The following PTPRD variants were observed in gnomAD, a reference collection of about 807,000 sequenced individuals.
PTPRD encodes the protein protein tyrosine phosphatase receptor type D, also known as receptor-type tyrosine-protein phosphatase delta.
Under a neutral mutation model 214.5 loss-of-function variants are expected in PTPRD, and 34 were observed. That is an observed-to-expected ratio of 0.16 (90% CI 0.12 to 0.21). The LOEUF (loss-of-function observed/expected upper bound fraction) is 0.21. Among genes scored for constraint, PTPRD ranks in the 10% least tolerant of loss-of-function variants. The pLI, the probability that PTPRD is intolerant of heterozygous loss-of-function variation, is 1.00. For synonymous variants in PTPRD, 1,128 were observed against 845.7 expected (o/e 1.33, Z -5.79); for missense variants, 2,545 against 2,398.7 (o/e 1.06, Z -1.27).
chr9:10,224,364 T>A (rs2099581732), intron 3 of PTPRD, among the ~76,000 whole-genome samples: 1 of 152,060 alleles, frequency 6.6e-6, no homozygotes, highest in African/African-American at 2.4e-5. Flanking sequence ...TATTGTCTAT[T>A]CTTTTCTTAT....
chr9:10,151,500 A>G (rs1392160847), intron 3 of PTPRD, among the ~76,000 whole-genome samples: 2 of 152,082 alleles, frequency 1.3e-5, no homozygotes, highest in African/African-American at 4.8e-5. Flanking sequence ...TGACCTGGTG[A>G]TCCACCCACC....
intron 7 of PTPRD, among the ~76,000 whole-genome samples, chr9:9,605,862 G>A (rs952576534): frequency 1.3e-5 from 2 of 152,074 alleles, no homozygotes; most frequent in Non-Finnish European, 2.9e-5. Flanking sequence ...AACGATAACG[G>A]AACTTGTCAT....
At chr9:9,551,650 G>A (rs1410777046) in intron 8 of PTPRD, among the ~76,000 whole-genome samples, 1 of 151,858 alleles carries the variant, frequency 6.6e-6, no homozygotes, top group Non-Finnish European at 1.5e-5. Flanking sequence ...CTTTCATCAA[G>A]CCTTCTTTAA....
chr9:9,444,378 C>T (rs1050708342), intron 8 of PTPRD, among the ~76,000 whole-genome samples: 4 of 152,024 alleles, frequency 2.6e-5, no homozygotes, highest in African/African-American at 9.7e-5. Context: ...TATGTAAATC[C>T]TTCAAACAAT....
rs139919780 is a variant in PTPRD, at chr9:10,471,763, T to C, written c.-599-130746A>G. 4.6e-3 allele frequency among the ~76,000 whole-genome samples: 696 copies of C among 152,250 alleles called. 9 individuals are homozygous for C. Among genetic ancestry groups the C allele is most frequent in the African/African-American group, 0.016 (665 of 41,564 alleles). ...TAGTAATAAGTATAACCATAACATA[T>C]TTTATATTTTAAGTTGAAGAGATGT... is the stretch of plus-strand genomic sequence containing the variant. On this transcript the variant is annotated intron_variant, in intron 2 of 45. Coordinates refer to ENST00000381196, the MANE Select transcript of PTPRD (RefSeq NM_002839.4).
intron 2 of PTPRD, among the ~76,000 whole-genome samples, chr9:10,604,914 G>A: frequency 6.6e-6 from 1 of 151,868 alleles, no homozygotes; most frequent in Middle Eastern, 3.4e-3. Flanking sequence ...TATCATCTTG[G>A]CACTGTTTTT....
intron 2 of PTPRD, among the ~76,000 whole-genome samples, chr9:10,357,526 G>A (rs559813259): frequency 5.4e-4 from 82 of 152,282 alleles, no homozygotes; most frequent in Admixed American, 1.6e-3. Context: ...TAATAAATCA[G>A]CTAATACGTA....
intron 3 of PTPRD, among the ~76,000 whole-genome samples, chr9:10,302,536 C>T (rs1188138363): frequency 2.0e-5 from 3 of 152,186 alleles, no homozygotes; most frequent in Non-Finnish European, 2.9e-5. Context: ...CGTGCAAAGA[C>T]ACACATATGC....
Position 9,940,266 on chromosome 9 carries a change from G to A in PTPRD, c.-471-1656C>T, listed in dbSNP as rs2091049596. Among the ~76,000 whole-genome samples the A allele has an allele frequency of 2.0e-5, 3 of 152,068 alleles. No individual in the cohort carries two copies. In the South Asian group the frequency reaches 6.2e-4, roughly 32 times the overall value. On this transcript the variant is annotated intron_variant, in intron 4 of 45. Coordinates refer to ENST00000381196, the MANE Select transcript of PTPRD (RefSeq NM_002839.4). ...AAGATGGCAGCACAGATGGAAGTCT[G>A]AGGATAAAGGATAAACCCCGCTCAT...
chr9:8,633,478 C>T lies in PTPRD; in HGVS notation c.211-20G>A, dbSNP rs1343119650. 1.2e-6 allele frequency: 2 copies of T among 1,608,562 alleles called. No homozygotes were observed. Among genetic ancestry groups the T allele is most frequent in the Admixed American group, 1.7e-5 (1 of 59,296 alleles). ...TATTACCTATTAGAGGAAACAATAGCTGTCACAGGTGTTGTTACAATTGTC... is the reference window on the plus strand; with the variant it reads ...TATTACCTATTAGAGGAAACAATAGTTGTCACAGGTGTTGTTACAATTGTC... On this transcript the variant is annotated intron_variant, in intron 13 of 45. Transcript: ENST00000381196.
chr9:9,259,012 A>G (rs558005312), intron 9 of PTPRD, among the ~76,000 whole-genome samples: 21 of 151,984 alleles, frequency 1.4e-4, no homozygotes, highest in South Asian at 4.1e-4. Flanking sequence ...AAAAAGGATC[A>G]TATAGTTTGA....
intron 4 of PTPRD, among the ~76,000 whole-genome samples, chr9:9,947,388 T>TATATATA (rs1566617793): frequency 2.1e-5 from 1 of 48,692 alleles, no homozygotes; most frequent in African/African-American, 8.7e-5. Context: ...ATATATTTTA[T>TATATATA]ATACATATTA....
intron 4 of PTPRD, among the ~76,000 whole-genome samples, chr9:10,028,429 G>T (rs1488483028): frequency 6.6e-6 from 1 of 152,170 alleles, no homozygotes; most frequent in Non-Finnish European, 1.5e-5. Flanking sequence ...GGCAGAGGTT[G>T]CAACAGTTTG....
chr9:10,249,547 G>C (rs926235193), intron 3 of PTPRD, among the ~76,000 whole-genome samples: 2 of 152,120 alleles, frequency 1.3e-5, no homozygotes, highest in African/African-American at 4.8e-5. Flanking sequence ...ATGGTCACTG[G>C]CCAACTATAA....
chr9:8,746,044 C>A (rs1052405443), intron 11 of PTPRD, among the ~76,000 whole-genome samples: 1 of 152,132 alleles, frequency 6.6e-6, no homozygotes, highest in Non-Finnish European at 1.5e-5. Context: ...TCCTCCCAAA[C>A]TGGCCTCCCA....
chr9:8,562,745 G>T (rs760928794), intron 14 of PTPRD, among the ~76,000 whole-genome samples: 1 of 151,834 alleles, frequency 6.6e-6, no homozygotes, highest in Non-Finnish European at 1.5e-5. Context: ...CCAATAATAT[G>T]TTTTGAGGAG....
chr9:9,090,848 G>T lies in PTPRD; in HGVS notation c.-142-72113C>A, dbSNP rs1177581208. 6.4e-5 allele frequency: 51 copies of T among 801,348 alleles called. No individual in the cohort carries two copies. The South Asian group carries it at 6.6e-4, about 10-fold the overall frequency. The allele number at this position is 801,348 out of a possible 1,614,324, so 49.6% of individuals were successfully genotyped here. ...GATATCTTATTCCATTGACAATGATGACAGGTTAAAAATTTCTTTAAATAG... is the reference window on the plus strand; with the variant it reads ...GATATCTTATTCCATTGACAATGATTACAGGTTAAAAATTTCTTTAAATAG... On this transcript the variant is annotated intron_variant, in intron 10 of 45. Coordinates refer to ENST00000381196, the MANE Select transcript of PTPRD (RefSeq NM_002839.4).
At chr9:9,730,617 C>G (rs2098172210) in intron 7 of PTPRD, among the ~76,000 whole-genome samples, 1 of 152,040 alleles carries the variant, frequency 6.6e-6, no homozygotes, top group Non-Finnish European at 1.5e-5. Context: ...AGGGTTACTA[C>G]TCAAATATAT....
chr9:10,219,143 C>T (rs79467317), intron 3 of PTPRD, among the ~76,000 whole-genome samples: 6,221 of 151,806 alleles, frequency 0.041, 150 homozygotes, highest in Middle Eastern at 0.088. Context: ...ATCTGATAGA[C>T]ATCTTCATTT....
Sources: gnomAD v4.1 joint callset for allele counts (sites outside exome capture counted in the v4.1 genomes callset) on GRCh38, gnomAD v4.1.1 for gene constraint, MANE v1.5 for transcripts, NCBI Gene and HGNC (gene_info 2026-07-23, HGNC 2026-07-21) for gene names.